The following ADAMTS17 variants were observed in gnomAD, a reference collection of about 807,000 sequenced individuals.
ADAMTS17 encodes ADAM metallopeptidase with thrombospondin type 1 motif 17.
Under a neutral mutation model 141.5 loss-of-function variants are expected in ADAMTS17, and 113 were observed. The ratio of observed to expected loss-of-function variants is 0.80; its 90% confidence interval spans 0.69 to 0.93. ADAMTS17 has a LOEUF of 0.93. ADAMTS17 is among the 40% of genes least tolerant of loss of function. ADAMTS17 has a pLI of 0.00. For missense variants in ADAMTS17, 1,659 were observed against 1,517.9 expected, an observed-to-expected ratio of 1.09 and a Z score of -1.54; for synonymous variants, 768 against 630.6, an observed-to-expected ratio of 1.22 and a Z score of -3.27.
intron 10 of ADAMTS17, among the ~76,000 whole-genome samples, chr15:100,143,513 A>C (rs530509772): frequency 6.6e-6 from 1 of 152,196 alleles, no homozygotes; most frequent in Non-Finnish European, 1.5e-5. Context: ...GAAATGCTTT[A>C]TTGAATTAAA....
chr15:100,107,719 A>G (rs1410070590), intron 14 of ADAMTS17, among the ~76,000 whole-genome samples: 1 of 152,026 alleles, frequency 6.6e-6, no homozygotes, highest in Non-Finnish European at 1.5e-5. Flanking sequence ...AGCAAGAAAC[A>G]CTGTCTATGA....
At chr15:100,194,828 C>A (rs1192124406) in intron 8 of ADAMTS17, among the ~76,000 whole-genome samples, 1 of 152,154 alleles carries the variant, frequency 6.6e-6, no homozygotes, top group African/African-American at 2.4e-5. Context: ...AACTGCCCCC[C>A]ATTCCATGGT....
chr15:100,029,833 C>G (rs575684296), intron 18 of ADAMTS17, among the ~76,000 whole-genome samples: 1 of 152,316 alleles, frequency 6.6e-6, no homozygotes, highest in African/African-American at 2.4e-5. Flanking sequence ...TTACTATATG[C>G]TGGTGGTTCT....
chr15:100,164,963 G>A (rs1218685770), intron 8 of ADAMTS17, among the ~76,000 whole-genome samples: 1 of 152,188 alleles, frequency 6.6e-6, no homozygotes. Context: ...GGAAGGGGAT[G>A]AAGATGGTGG....
intron 15 of ADAMTS17, among the ~76,000 whole-genome samples, chr15:100,069,124 AC>A (rs1441128299): frequency 2.0e-5 from 3 of 152,352 alleles, no homozygotes; most frequent in African/African-American, 4.8e-5. Context: ...GATTCGGTCA[AC>A]TGGAAGAAAG....
At chr15:100,092,896 C>A (rs1307541184) in intron 15 of ADAMTS17, among the ~76,000 whole-genome samples, 1 of 152,188 alleles carries the variant, frequency 6.6e-6, no homozygotes, top group African/African-American at 2.4e-5. Context: ...GACCAGCCAC[C>A]TTTTTAGTGC....
At chr15:100,289,420 G>T (rs1271144516) in intron 3 of ADAMTS17, among the ~76,000 whole-genome samples, 1 of 152,094 alleles carries the variant, frequency 6.6e-6, no homozygotes, top group Non-Finnish European at 1.5e-5. Context: ...AAGAAGAGCT[G>T]GTACCATTCC....
intron 3 of ADAMTS17, among the ~76,000 whole-genome samples, chr15:100,310,423 C>T (rs2045366049): frequency 2.0e-5 from 3 of 152,246 alleles, no homozygotes; most frequent in Admixed American, 1.3e-4. Flanking sequence ...AAGAATGGCT[C>T]ATTCCCTTCG....
intron 14 of ADAMTS17, among the ~76,000 whole-genome samples, chr15:100,101,630 C>A (rs2036108261): frequency 6.6e-6 from 1 of 152,226 alleles, no homozygotes; most frequent in African/African-American, 2.4e-5. Flanking sequence ...TTCCCCCATC[C>A]TCTGACACAC....
At chr15:100,036,793 G>A (rs1333499272) in intron 18 of ADAMTS17, among the ~76,000 whole-genome samples, 2 of 151,956 alleles carry the variant, frequency 1.3e-5, no homozygotes, top group East Asian at 1.9e-4. Flanking sequence ...CATCTCTACC[G>A]ATTTTGTCTC....
Position 100,248,309 on chromosome 15 carries a change from G to A in ADAMTS17, c.1075+5827C>T, listed in dbSNP as rs79949904. Among the ~76,000 whole-genome samples the A allele has an allele frequency of 4.9e-3, 751 of 152,304 alleles. 6 individuals carry two copies. Among genetic ancestry groups the A allele is most frequent in the African/African-American group, 0.013 (533 of 41,558 alleles). ...CCACCGTAGCTCAATTTGGAGGCAC[G>A]GGTAGGAGAAAACCAATGCTCCACA... On this transcript the variant is annotated intron_variant, in intron 7 of 21. Transcript: ENST00000268070.
intron 17 of ADAMTS17, among the ~76,000 whole-genome samples, chr15:100,050,879 G>A (rs2032084872): frequency 6.6e-6 from 1 of 152,172 alleles, no homozygotes; most frequent in South Asian, 2.1e-4. Flanking sequence ...AGAAACTGCT[G>A]GCTCAGAGTT....
At chr15:100,241,225 C>G (rs12441690) in intron 7 of ADAMTS17, among the ~76,000 whole-genome samples, 115,764 of 152,128 alleles carry the variant, frequency 0.76, 44,331 homozygotes, top group East Asian at 0.87. Flanking sequence ...TCCCCTACAA[C>G]TCCAAGACTA....
intron 21 of ADAMTS17, 53 bp downstream of exon 21, chr15:99,975,992 T>C: frequency 6.6e-7 from 1 of 1,510,736 alleles, no homozygotes. Context: ...GAGGACTTAC[T>C]GGGCAGGAGA....
rs754042626 is a variant in ADAMTS17 at position 100,199,403 on chromosome 15, C to T, written c.1096G>A (p.Val366Met). 6.2e-7 allele frequency: 1 copy of T among 1,614,172 alleles called. No homozygotes were observed. Among genetic ancestry groups the T allele is most frequent in the Non-Finnish European group, 8.5e-7 (1 of 1,180,030 alleles). The change falls in exon 8 of 22, where the codon GTG (valine) becomes ATG (methionine). Residue 366 changes from valine to methionine, a missense_variant. Transcript: ENST00000268070. ...DTVGIAYLGG[V>M]CSAKRKCVLA... ...ACACACTTCCTCTTAGCACTGCACA[C>T]ACCTCCTAAGTAAGCAATTCCTGCA...
chr15:100,217,068 G>A (rs950917260), intron 7 of ADAMTS17, among the ~76,000 whole-genome samples: 1 of 151,986 alleles, frequency 6.6e-6, no homozygotes, highest in African/African-American at 2.4e-5. Flanking sequence ...TAGACAACAG[G>A]GACATGAGAC....
intron 15 of ADAMTS17, among the ~76,000 whole-genome samples, chr15:100,067,592 T>C (rs773228165): frequency 1.3e-5 from 2 of 152,216 alleles, no homozygotes; most frequent in Non-Finnish European, 2.9e-5. Context: ...TTTGGTTTTC[T>C]TTTGAACATC....
chr15:100,289,378 C>T (rs542309908), intron 3 of ADAMTS17, among the ~76,000 whole-genome samples: 7 of 152,254 alleles, frequency 4.6e-5, no homozygotes, highest in South Asian at 4.2e-4. Flanking sequence ...CAGGACCAGA[C>T]AGATTCACAG....
chr15:100,073,861 A>C (rs28460645), intron 15 of ADAMTS17, among the ~76,000 whole-genome samples: 5,645 of 151,824 alleles, frequency 0.037, 347 homozygotes, highest in African/African-American at 0.13. Context: ...ACATGTATAC[A>C]TATGTAACAA....
Sources: gnomAD v4.1 joint callset for allele counts (sites outside exome capture counted in the v4.1 genomes callset) on GRCh38, gnomAD v4.1.1 for gene constraint, MANE v1.5 for transcripts, NCBI Gene and HGNC (gene_info 2026-07-23, HGNC 2026-07-21) for gene names.